Variants in BRAF observed in about 807,000 individuals in gnomAD.
The protein encoded by BRAF is serine/threonine-protein kinase B-raf.
Under a neutral mutation model 104.6 loss-of-function variants are expected in BRAF, and 16 were observed. The observed-to-expected ratio is 0.15, with a 90% confidence interval of 0.10 to 0.23. BRAF has a LOEUF of 0.23. BRAF is among the 10% of genes least tolerant of loss of function. The pLI, the probability that BRAF is intolerant of heterozygous loss-of-function variation, is 1.00. For synonymous variants in BRAF, 310 were observed against 341.6 expected (o/e 0.91, Z 1.02); for missense variants, 541 against 937.3 (o/e 0.58, Z 5.52).
At chr7:140,765,265 G>A (rs1409301531) in intron 14 of BRAF, among the ~76,000 whole-genome samples, 1 of 152,080 alleles carries the variant, frequency 6.6e-6, no homozygotes, top group African/African-American at 2.4e-5. Flanking sequence ...GCTGAAACTG[G>A]ATCCCTTCCT....
At chr7:140,896,887 T>G (rs865827997) in intron 1 of BRAF, among the ~76,000 whole-genome samples, 2,983 of 100,478 alleles carry the variant, frequency 0.03, no homozygotes, top group Middle Eastern at 0.063. Context: ...AAAAAAGGGG[T>G]GGGGGGGGAA....
intron 16 of BRAF, among the ~76,000 whole-genome samples, chr7:140,750,352 C>T (rs1371743509): frequency 6.6e-6 from 1 of 152,194 alleles, no homozygotes; most frequent in Non-Finnish European, 1.5e-5. Context: ...AGGCATCTCA[C>T]AAGGAGAGGC....
rs1795561106 is a variant in BRAF, at chr7:140,725,694, T to C, written c.*800A>G. The C allele has an allele frequency of 1.9e-6, 2 of 1,053,556 alleles. No individual in the cohort carries two copies. Among genetic ancestry groups the C allele is most frequent in the South Asian group, 4.6e-5 (1 of 21,622 alleles). 65.3% of individuals were successfully genotyped at this position (1,053,556 alleles called of 1,614,324 possible). A position where few individuals can be genotyped will look rare whatever the true frequency, so the allele number is the denominator to read the frequency against. Reference sequence around the variant, plus strand: ...TATTTCCTGAGAATTTGCTACATTGTGGAGGAAAAAAAAAAAACCCAAACA... The same window carrying C: ...TATTTCCTGAGAATTTGCTACATTGCGGAGGAAAAAAAAAAAACCCAAACA... On this transcript the variant is annotated 3_prime_UTR_variant, in exon 20 of 20. Transcript: ENST00000644969.
intron 3 of BRAF, among the ~76,000 whole-genome samples, chr7:140,822,058 T>G (rs1805544526): frequency 1.3e-5 from 2 of 152,166 alleles, no homozygotes; most frequent in Admixed American, 6.5e-5. Context: ...TATTGGCTAC[T>G]ATGCTCAGTA....
rs750310423 is a variant in BRAF at position 140,801,418 on chromosome 7, T to C, written c.854A>G (p.Gln285Arg). 6.2e-7 allele frequency: 1 copy of C among 1,613,860 alleles called. No homozygotes were observed. The highest frequency in any genetic ancestry group is 1.1e-5 in the South Asian group (1 of 91,058). ...ATATTTTTGGATTACTTACTCAAGT[T>C]GGTCATAATTAACACACATCAGTGG... ...EVPLMCVNYD[Q>R]LDLLFVSKFF... Residue 285 changes from glutamine to arginine, a missense_variant, in exon 6 of 20, where the codon CAA becomes CGA. By Grantham distance (43) the Gln-to-Arg change is conservative (BLOSUM62 1). This residue lies in a region of BRAF where 19 missense variants were observed against 51.8 expected (regional missense o/e 0.37). Coordinates refer to ENST00000644969, the MANE Select transcript of BRAF (RefSeq NM_001374258.1).
chr7:140,788,062 A>C (rs897963963), intron 8 of BRAF, among the ~76,000 whole-genome samples: 1 of 152,178 alleles, frequency 6.6e-6, no homozygotes, highest in African/African-American at 2.4e-5. Flanking sequence ...GTAATGGGAT[A>C]ATCTGTGTGG....
chr7:140,724,701 G>C lies in BRAF; in HGVS notation c.*1793C>G, dbSNP rs1348928179. 2 of 1,032,574 alleles carry C rather than the reference G, an allele frequency of 1.9e-6. No individual in the cohort carries two copies. Among genetic ancestry groups the C allele is most frequent in the Non-Finnish European group, 2.3e-6 (2 of 858,576 alleles). The allele number at this position is 1,032,574 out of a possible 1,614,324, so 64.0% of individuals were successfully genotyped here. ...ACAGCAGGGCCTGGAGTTACAATCT[G>C]AAATTTTTAAATAACAATTTCTAAT... On this transcript the variant is annotated 3_prime_UTR_variant, in exon 20 of 20. Transcript: ENST00000644969.
chr7:140,766,462 C>T (rs1225833709), intron 14 of BRAF, among the ~76,000 whole-genome samples: 1 of 151,882 alleles, frequency 6.6e-6, no homozygotes, highest in Non-Finnish European at 1.5e-5. Context: ...AAAACAACAA[C>T]AAAAAAGAAA....
chr7:140,897,135 G>GC (rs1456429933), intron 1 of BRAF, among the ~76,000 whole-genome samples: 5 of 151,312 alleles, frequency 3.3e-5, no homozygotes, highest in African/African-American at 4.9e-5. Context: ...TCACGTGGAA[G>GC]AGTGAATGAG....
intron 1 of BRAF, among the ~76,000 whole-genome samples, chr7:140,905,251 A>G (rs184340650): frequency 6.6e-6 from 1 of 152,340 alleles, no homozygotes; most frequent in Non-Finnish European, 1.5e-5. Flanking sequence ...AAAATACCCC[A>G]TTAAGACTGA....
At chr7:140,851,272 G>A (rs10255257) in intron 1 of BRAF, among the ~76,000 whole-genome samples, 4,216 of 152,124 alleles carry the variant, frequency 0.028, 205 homozygotes, top group African/African-American at 0.095. Context: ...TAGGTTATAC[G>A]GAAGATTCTG....
intron 3 of BRAF, among the ~76,000 whole-genome samples, chr7:140,818,735 C>T (rs1006318152): frequency 2.0e-5 from 3 of 152,180 alleles, no homozygotes; most frequent in African/African-American, 4.8e-5. Context: ...CTTTACAATA[C>T]TATATACAAC....
chr7:140,841,210 C>T (rs1807929133), intron 2 of BRAF, among the ~76,000 whole-genome samples: 1 of 151,976 alleles, frequency 6.6e-6, no homozygotes, highest in Non-Finnish European at 1.5e-5. Flanking sequence ...ACTAAGATGG[C>T]TTTAATTAAA....
rs1461554377 is a variant in BRAF, at chr7:140,721,100, T to TG, written c.*5393dup. 1.3e-5 allele frequency: 14 copies of TG among 1,064,526 alleles called. No homozygotes were observed. The highest frequency in any genetic ancestry group is 1.4e-5 in the Non-Finnish European group (12 of 878,964). The allele number at this position is 1,064,526 out of a possible 1,614,324, so 65.9% of individuals were successfully genotyped here. On this transcript the variant is annotated 3_prime_UTR_variant, in exon 20 of 20. Transcript: ENST00000644969. ...TAAAAAAAAATGCACCTCTAAAAAA[T>TG]GGATACACTGGCTTACATTGGCTGT...
In BRAF at chr7:140,906,087, CAAAAAA is replaced by C. The variant is rs61150735; in HGVS notation, c.138+18473_138+18478del. On this transcript the variant is annotated intron_variant, in intron 1 of 19. Coordinates refer to ENST00000644969, the MANE Select transcript of BRAF (RefSeq NM_001374258.1). ...TGGGCAACAGAGCGAGACTCCGTCT[CAAAAAA>C]AAAAAAAAAAAAAAAGAAATTAAAA... Among the ~76,000 whole-genome samples, 18 of 44,714 alleles carry C rather than the reference CAAAAAA, an allele frequency of 4.0e-4. 1 individual carries two copies. Among genetic ancestry groups the C allele is most frequent in the South Asian group, 1.0e-3 (1 of 970 alleles). 29.3% of individuals were successfully genotyped at this position (44,714 alleles called of 152,430 possible). A position where few individuals can be genotyped will look rare whatever the true frequency, so the allele number is the denominator to read the frequency against.
chr7:140,719,779 C>G lies in BRAF; in HGVS notation c.*6715G>C, dbSNP rs1282131408. On this transcript the variant is annotated 3_prime_UTR_variant, in exon 20 of 20. Transcript: ENST00000644969. ...TTTTGCAAAGCAGGTATAGAGAGGT[C>G]TGTGGACAATTAAAAAGTCCCCATC... 2.8e-6 allele frequency: 3 copies of G among 1,062,684 alleles called. No individual in the cohort carries two copies. Among genetic ancestry groups the G allele is most frequent in the Non-Finnish European group, 3.4e-6 (3 of 877,782 alleles). 65.8% of individuals were successfully genotyped at this position (1,062,684 alleles called of 1,614,324 possible).
At chr7:140,808,816 A>G (rs1803926581) in intron 4 of BRAF, 76 bp downstream of exon 4, 10 of 1,208,886 alleles carry the variant, frequency 8.3e-6, no homozygotes, top group Non-Finnish European at 1.2e-5. Flanking sequence ...GTTTTGGTAA[A>G]GATCCTAAGA....
At chr7:140,886,766 G>A (rs955510501) in intron 1 of BRAF, among the ~76,000 whole-genome samples, 12 of 152,182 alleles carry the variant, frequency 7.9e-5, no homozygotes, top group African/African-American at 2.9e-4. Context: ...ATTTGCGTGT[G>A]TGTGTATGTA....
chr7:140,763,276 G>A lies in BRAF; in HGVS notation c.1815-9043C>T, dbSNP rs1402174513. ...TCCCTCCCGGACGGGGTGGCTGGCCGGGCGGGGGGCTGACCCCCCCCACCT... is the reference window on the plus strand; with the variant it reads ...TCCCTCCCGGACGGGGTGGCTGGCCAGGCGGGGGGCTGACCCCCCCCACCT... On this transcript the variant is annotated intron_variant, in intron 14 of 19. Coordinates refer to ENST00000644969, the MANE Select transcript of BRAF (RefSeq NM_001374258.1). Among the ~76,000 whole-genome samples the A allele has an allele frequency of 1.5e-4, 21 of 142,418 alleles. 1 individual carries two copies. Among genetic ancestry groups the A allele is most frequent in the South Asian group, 4.6e-4 (2 of 4,368 alleles). The allele number at this position is 142,418 out of a possible 152,430, so 93.4% of individuals were successfully genotyped here. A position where few individuals can be genotyped will look rare whatever the true frequency, so the allele number is the denominator to read the frequency against.
Sources: gnomAD v4.1 joint callset for allele counts (sites outside exome capture counted in the v4.1 genomes callset) on GRCh38, gnomAD v4.1.1 for gene constraint, gnomAD v4.1.1 regional missense constraint, MANE v1.5 for transcripts, NCBI Gene and HGNC (gene_info 2026-07-23, HGNC 2026-07-21) for gene names.